RICTOR: variants seen among roughly 807,000 people sequenced by gnomAD.
The protein encoded by RICTOR is RPTOR independent companion of MTOR complex 2.
A neutral mutation model predicts 214.9 loss-of-function variants in RICTOR; 49 were observed. The observed-to-expected ratio is 0.23, with a 90% confidence interval of 0.18 to 0.29. The LOEUF (loss-of-function observed/expected upper bound fraction) is 0.29. Ranked by LOEUF, RICTOR falls within the 10% of genes least tolerant of loss-of-function variation. The pLI is 1.00. For synonymous variants in RICTOR, 717 were observed against 711.3 expected (o/e 1.01, Z -0.13); for missense variants, 1,625 against 2,047.0 (o/e 0.79, Z 3.98).
chr5:38,975,518 G>T lies in RICTOR; in HGVS notation c.889+19C>A. ...AGTTTTTCTTCTTGGATGTTATAAA[G>T]CAATGTAGAGTAACCTACCTGCCCA... On this transcript the variant is annotated intron_variant, in intron 10 of 37. Coordinates refer to ENST00000357387, the MANE Select transcript of RICTOR (RefSeq NM_152756.5). 2 of 1,569,770 alleles carry T rather than the reference G, an allele frequency of 1.3e-6. No individual in the cohort carries two copies. The highest frequency in any genetic ancestry group is 8.8e-7 in the Non-Finnish European group (1 of 1,139,708).
At chr5:39,063,060 A>C (rs1424772198) in intron 2 of RICTOR, among the ~76,000 whole-genome samples, 1 of 152,204 alleles carries the variant, frequency 6.6e-6, no homozygotes, top group Non-Finnish European at 1.5e-5. Context: ...GCATACATCT[A>C]GAAATAAGTT....
chr5:38,945,364 T>C (rs1748073288), intron 34 of RICTOR, 127 bp downstream of exon 34: 4 of 661,736 alleles, frequency 6.0e-6, no homozygotes, highest in Non-Finnish European at 1.0e-5. Context: ...TAATTTGGCA[T>C]ATCAGTGTGC....
intron 28 of RICTOR, 47 bp from the exon 29 acceptor site, chr5:38,953,138 C>A: frequency 2.3e-6 from 3 of 1,330,144 alleles, no homozygotes; most frequent in Non-Finnish European, 3.2e-6. Flanking sequence ...GTCACTCTTT[C>A]AAAAGATTTG....
At chr5:39,025,067 A>G (rs182349878) in intron 2 of RICTOR, among the ~76,000 whole-genome samples, 2 of 150,278 alleles carry the variant, frequency 1.3e-5, no homozygotes, top group East Asian at 3.9e-4. Flanking sequence ...ATAACTCAAC[A>G]ATGAGTCAAA....
At chr5:38,975,726 A>ACTG in intron 9 of RICTOR, 122 bp from the exon 10 acceptor site, 2 of 561,300 alleles carry the variant, frequency 3.6e-6, no homozygotes, top group Non-Finnish European at 6.0e-6. Context: ...ACATAAAATT[A>ACTG]AAACAAGACA....
intron 25 of RICTOR, among the ~76,000 whole-genome samples, 157 bp downstream of exon 25, chr5:38,957,487 TACTAGCAA>T (rs1749364526): frequency 6.6e-6 from 1 of 152,188 alleles, no homozygotes; most frequent in East Asian, 1.9e-4. Context: ...TAACTATAAA[TACTAGCAA>T]TTATGCAGAA....
chr5:39,023,933 A>T (rs1755619454), intron 2 of RICTOR, among the ~76,000 whole-genome samples: 1 of 152,200 alleles, frequency 6.6e-6, no homozygotes, highest in African/African-American at 2.4e-5. Context: ...ATAAAATTCA[A>T]TCTTAAGTGA....
intron 2 of RICTOR, among the ~76,000 whole-genome samples, chr5:39,065,689 A>T (rs1372218709): frequency 6.6e-6 from 1 of 152,268 alleles, no homozygotes; most frequent in Non-Finnish European, 1.5e-5. Context: ...CAAAAAGGAG[A>T]AATCAACCAA....
chr5:38,967,042 C>A, intron 14 of RICTOR, 119 bp downstream of exon 14: 4 of 784,510 alleles, frequency 5.1e-6, no homozygotes, highest in Non-Finnish European at 8.8e-6. Context: ...CTGAAGTGAT[C>A]CGCCTGCCTT....
At chr5:39,004,505 G>T (rs566659655) in intron 3 of RICTOR, among the ~76,000 whole-genome samples, 2 of 151,590 alleles carry the variant, frequency 1.3e-5, no homozygotes, top group South Asian at 4.2e-4. Context: ...TGTCACCCAG[G>T]CTGGAGTGCA....
chr5:38,950,624 C>T lies in RICTOR; in HGVS notation c.3224G>A (p.Arg1075Gln), dbSNP rs370517295. The part of the protein sequence containing the change: ...NEDTEPTFYD[R>Q]SGPIKDKNSF... ...ATTTTTATCCTTTATGGGTCCAGAT[C>T]GGTCATAAAATGTTGGCTCTGTATC... The change falls in exon 31 of 38, where the codon CGA becomes CAA. Residue 1075 changes from arginine to glutamine, a missense_variant. Physicochemically the swap from Arg to Gln is conservative, Grantham distance 43 (BLOSUM62 1). Around this residue, in one of 5 missense-constraint regions of RICTOR, gnomAD observed 1,214 missense variants for 1,470.5 expected, o/e 0.83. Transcript: ENST00000357387. 24 of 1,612,770 alleles carry T rather than the reference C, an allele frequency of 1.5e-5. No homozygotes were observed. The highest frequency in any genetic ancestry group is 3.3e-5 in the South Asian group (3 of 91,042).
intron 2 of RICTOR, among the ~76,000 whole-genome samples, chr5:39,036,927 G>A (rs984903774): frequency 6.6e-6 from 1 of 152,046 alleles, no homozygotes; most frequent in African/African-American, 2.4e-5. Flanking sequence ...AAGTTAACAA[G>A]GATACCCAGG....
chr5:39,073,023 C>T (rs1321868914), intron 2 of RICTOR, among the ~76,000 whole-genome samples: 2 of 152,172 alleles, frequency 1.3e-5, no homozygotes, highest in Non-Finnish European at 2.9e-5. Flanking sequence ...TCACTCTAGC[C>T]GTTGTCAACA....
chr5:39,011,120 G>A (rs1176671768), intron 3 of RICTOR, among the ~76,000 whole-genome samples: 1 of 152,120 alleles, frequency 6.6e-6, no homozygotes, highest in Non-Finnish European at 1.5e-5. Flanking sequence ...TCCTGGTCAG[G>A]GCCCAGGGAC....
chr5:38,982,189 G>A (rs891402300), intron 7 of RICTOR, among the ~76,000 whole-genome samples, 153 bp from the exon 8 acceptor site: 1 of 152,150 alleles, frequency 6.6e-6, no homozygotes, highest in Non-Finnish European at 1.5e-5. Context: ...AGTGGAAAAT[G>A]TAAGAGTCAC....
At chr5:39,045,540 T>C (rs1757428637) in intron 2 of RICTOR, among the ~76,000 whole-genome samples, 1 of 152,162 alleles carries the variant, frequency 6.6e-6, no homozygotes, top group Non-Finnish European at 1.5e-5. Context: ...AATCCTTTAT[T>C]ATAAGAGAAA....
rs1213572947 is a variant in RICTOR, at chr5:38,938,120, G to GA, written c.*4183dup. On this transcript the variant is annotated 3_prime_UTR_variant, in exon 38 of 38. Transcript: ENST00000357387. ...CACAACTCAATGAAATATTCTTACAGAAAAAATATAAATACTTTTTCTTTC... is the reference window on the plus strand; with the variant it reads ...CACAACTCAATGAAATATTCTTACAGAAAAAAATATAAATACTTTTTCTTTC... The GA allele has an allele frequency of 4.8e-6, 1 of 210,034 alleles. No homozygotes were observed. Among genetic ancestry groups the GA allele is most frequent in the Non-Finnish European group, 9.7e-6 (1 of 103,324 alleles). 13.0% of individuals were successfully genotyped at this position (210,034 alleles called of 1,614,324 possible). A position where few individuals can be genotyped will look rare whatever the true frequency, so the allele number is the denominator to read the frequency against.
intron 11 of RICTOR, chr5:38,971,374 A>ATTTT: frequency 1.1e-5 from 1 of 91,632 alleles, no homozygotes; most frequent in Non-Finnish European, 2.6e-5. Context: ...AACAACAGCA[A>ATTTT]TTTTTTTTTT....
intron 5 of RICTOR, among the ~76,000 whole-genome samples, chr5:39,000,138 C>T (rs1018422402): frequency 1.1e-4 from 16 of 151,612 alleles, no homozygotes; most frequent in Admixed American, 2.6e-4. Flanking sequence ...AGTCAGGAAG[C>T]ATTATATGGG....
Sources: gnomAD v4.1 joint callset for allele counts (sites outside exome capture counted in the v4.1 genomes callset) on GRCh38, gnomAD v4.1.1 for gene constraint, gnomAD v4.1.1 regional missense constraint, MANE v1.5 for transcripts, NCBI Gene and HGNC (gene_info 2026-07-23, HGNC 2026-07-21) for gene names.